Variants in MSI2 observed in about 807,000 individuals in gnomAD.
MSI2 encodes musashi RNA binding protein 2, also known as RNA-binding protein Musashi homolog 2.
In MSI2, 17 loss-of-function variants were observed where a neutral mutation model predicts 45.6. The observed-to-expected ratio is 0.37, with a 90% CI of 0.26 to 0.56. The LOEUF is 0.56. MSI2 is among the 20% of genes least tolerant of loss of function. The pLI is 0.77. For missense variants in MSI2, 293 were observed against 444.2 expected (o/e 0.66, Z 3.06); for synonymous variants, 156 against 158.2 (o/e 0.99, Z 0.11).
intron 5 of MSI2, among the ~76,000 whole-genome samples, chr17:57,301,992 A>T (rs1457615714): frequency 6.6e-6 from 1 of 152,170 alleles, no homozygotes; most frequent in Non-Finnish European, 1.5e-5. Flanking sequence ...CCTTATAGAC[A>T]GTTGTTATTT....
intron 5 of MSI2, among the ~76,000 whole-genome samples, chr17:57,348,108 T>C (rs992266202): frequency 6.6e-6 from 1 of 152,260 alleles, no homozygotes; most frequent in Non-Finnish European, 1.5e-5. Flanking sequence ...AGGAAGACTC[T>C]ACTCTGCCTT....
intron 1 of MSI2, 83 bp from the exon 2 acceptor site, chr17:57,257,009 CCCCGCT>C: frequency 6.2e-7 from 1 of 1,604,830 alleles, no homozygotes; most frequent in Non-Finnish European, 8.5e-7. Context: ...GCTCGCTCCC[CCCCGCT>C]TTCCTTTTAG....
intron 5 of MSI2, among the ~76,000 whole-genome samples, chr17:57,295,271 G>A (rs986111015): frequency 1.1e-4 from 17 of 152,162 alleles, no homozygotes; most frequent in Non-Finnish European, 2.5e-4. Context: ...TGGCCCTGCC[G>A]CCCTGCTTGC....
intron 8 of MSI2, among the ~76,000 whole-genome samples, chr17:57,602,688 C>G (rs553194859): frequency 6.6e-6 from 1 of 152,168 alleles, no homozygotes; most frequent in Non-Finnish European, 1.5e-5. Flanking sequence ...TTTTCTTACT[C>G]CTTTAAGGTG....
chr17:57,621,275 C>T (rs1908267840), intron 9 of MSI2, among the ~76,000 whole-genome samples: 2 of 152,174 alleles, frequency 1.3e-5, no homozygotes, highest in African/African-American at 4.8e-5. Context: ...GGCTGATGAA[C>T]TTGACTCATG....
chr17:57,428,744 T>A (rs2084540255), intron 6 of MSI2, among the ~76,000 whole-genome samples: 1 of 152,160 alleles, frequency 6.6e-6, no homozygotes, highest in African/African-American at 2.4e-5. Context: ...TTTATCTACT[T>A]TACCATGAAG....
intron 10 of MSI2, among the ~76,000 whole-genome samples, chr17:57,646,160 A>G (rs1015018606): frequency 2.0e-5 from 3 of 152,250 alleles, no homozygotes; most frequent in African/African-American, 7.2e-5. Context: ...TAAGTGGGAC[A>G]TGTGACTGAG....
At chr17:57,362,154 G>A (rs893721767) in intron 5 of MSI2, among the ~76,000 whole-genome samples, 5 of 152,230 alleles carry the variant, frequency 3.3e-5, no homozygotes, top group Non-Finnish European at 5.9e-5. Flanking sequence ...GTGGTGGGCA[G>A]TATCTTTGTA....
intron 5 of MSI2, among the ~76,000 whole-genome samples, chr17:57,311,539 A>C (rs1192358707): frequency 6.6e-6 from 1 of 152,170 alleles, no homozygotes; most frequent in Admixed American, 6.5e-5. Context: ...GGACAGAATG[A>C]AAGCCATAGT....
intron 7 of MSI2, among the ~76,000 whole-genome samples, chr17:57,581,339 A>G (rs978306055): frequency 6.6e-6 from 1 of 152,098 alleles, no homozygotes; most frequent in African/African-American, 2.4e-5. Flanking sequence ...TTCCTACTTT[A>G]TAGGTGGGGA....
At chr17:57,317,243 T>C (rs1598111060) in intron 5 of MSI2, among the ~76,000 whole-genome samples, 1 of 152,316 alleles carries the variant, frequency 6.6e-6, no homozygotes, top group African/African-American at 2.4e-5. Flanking sequence ...GGTGGCAGCA[T>C]GCTTACTGTC....
downstream of MSI2, among the ~76,000 whole-genome samples, chr17:57,687,004 A>G (rs1329449302): frequency 8.6e-6 from 1 of 116,734 alleles, no homozygotes; most frequent in Non-Finnish European, 2.0e-5. Context: ...TTTGGCCAGC[A>G]GCCCCCCCCC....
chr17:57,670,714 A>G (rs911234990), intron 11 of MSI2, among the ~76,000 whole-genome samples: 15 of 152,210 alleles, frequency 9.9e-5, no homozygotes, highest in African/African-American at 3.6e-4. Context: ...GTTTTTTGTC[A>G]ATCACCTCCT....
At chr17:57,388,748 G>A (rs1181285760) in intron 5 of MSI2, among the ~76,000 whole-genome samples, 2 of 151,936 alleles carry the variant, frequency 1.3e-5, no homozygotes, top group Admixed American at 1.3e-4. Flanking sequence ...CTGCCTCCTG[G>A]GTTCAAGTGA....
intron 6 of MSI2, among the ~76,000 whole-genome samples, chr17:57,459,770 G>A (rs1215075406): frequency 6.6e-6 from 1 of 152,074 alleles, no homozygotes; most frequent in Non-Finnish European, 1.5e-5. Flanking sequence ...GAGGCAGGAG[G>A]ATTGTTTGAG....
chr17:57,622,060 A>C (rs1451781751), intron 9 of MSI2, among the ~76,000 whole-genome samples: 1 of 152,188 alleles, frequency 6.6e-6, no homozygotes, highest in Non-Finnish European at 1.5e-5. Context: ...TTAACAGGAC[A>C]TGGTGGCGCA....
chr17:57,622,560 A>C (rs1181566567), intron 9 of MSI2, among the ~76,000 whole-genome samples: 1 of 152,194 alleles, frequency 6.6e-6, no homozygotes, highest in African/African-American at 2.4e-5. Flanking sequence ...AAAGCACGTT[A>C]GCCAAAAGCA....
intron 5 of MSI2, among the ~76,000 whole-genome samples, chr17:57,331,015 G>A (rs1222226402): frequency 2.6e-5 from 4 of 151,712 alleles, no homozygotes; most frequent in East Asian, 1.9e-4. Flanking sequence ...CCTAGTTCAA[G>A]CAATTCTCCT....
At chr17:57,651,297 G>A (rs928234128) in intron 10 of MSI2, among the ~76,000 whole-genome samples, 10 of 152,028 alleles carry the variant, frequency 6.6e-5, no homozygotes, top group South Asian at 4.1e-4. Context: ...CCAGGGACCC[G>A]TAGGAGACCC....
Sources: allele counts gnomAD v4.1 joint callset (sites outside exome capture counted in the v4.1 genomes callset), GRCh38; gene constraint gnomAD v4.1.1; transcripts MANE v1.5; gene names NCBI Gene and HGNC (gene_info 2026-07-23, HGNC 2026-07-21).